Variants in EBPL observed in about 807,000 individuals in gnomAD.
EBPL encodes the protein emopamil-binding protein-like.
Under a neutral mutation model 19.0 loss-of-function variants are expected in EBPL, and 20 were observed. The ratio of observed to expected loss-of-function variants is 1.05; its 90% CI spans 0.74 to 1.53. The LOEUF is 1.53. Ranked by LOEUF, EBPL falls within the 40% of genes most tolerant of loss-of-function variation. EBPL has a pLI of 0.00. For synonymous variants in EBPL, 107 were observed against 117.0 expected (o/e 0.91, Z 0.55); for missense variants, 219 against 261.1 (o/e 0.84, Z 1.11).
At chr13:49,661,819 ACTT>A in intron 3 of EBPL, 4 of 1,545,798 alleles carry the variant, frequency 2.6e-6, no homozygotes, top group East Asian at 4.9e-5. Context: ...TTTAAATAAG[ACTT>A]CTTCATTACA....
At chr13:49,670,892 T>G (rs941486924) in intron 1 of EBPL, among the ~76,000 whole-genome samples, 9 of 152,194 alleles carry the variant, frequency 5.9e-5, no homozygotes, top group African/African-American at 1.9e-4. Context: ...AACTCTCAAT[T>G]TCTGTCCAGT....
At chr13:49,661,454 C>A (rs1308905813) in intron 3 of EBPL, among the ~76,000 whole-genome samples, 1 of 152,044 alleles carries the variant, frequency 6.6e-6, no homozygotes, top group African/African-American at 2.4e-5. Context: ...AAGTAAGGAC[C>A]CTCAGGGATC....
At chr13:49,680,705 C>T (rs1372378666) in intron 1 of EBPL, among the ~76,000 whole-genome samples, 1 of 152,100 alleles carries the variant, frequency 6.6e-6, no homozygotes, top group African/African-American at 2.4e-5. Context: ...GACTGTAGTC[C>T]CAGCTACTCA....
chr13:49,683,434 G>A (rs959301828), intron 1 of EBPL, among the ~76,000 whole-genome samples: 3 of 152,118 alleles, frequency 2.0e-5, no homozygotes, highest in East Asian at 1.9e-4. Context: ...GGGAGGCTGA[G>A]GCAGGAGAAT....
At chr13:49,683,085 C>T (rs1296045217) in intron 1 of EBPL, among the ~76,000 whole-genome samples, 8 of 152,226 alleles carry the variant, frequency 5.3e-5, no homozygotes, top group East Asian at 2.0e-4. Context: ...GCTATTCTCA[C>T]GCCTCAGCCT....
At chr13:49,671,246 C>T (rs1232044962) in intron 1 of EBPL, among the ~76,000 whole-genome samples, 2 of 152,298 alleles carry the variant, frequency 1.3e-5, no homozygotes, top group East Asian at 3.9e-4. Context: ...CAAGCGATTC[C>T]AGTGCCTCAG....
In EBPL at chr13:49,669,816, C is replaced by T. The variant is rs753813812; in HGVS notation, c.202G>A (p.Gly68Arg). The T allele has an allele frequency of 2.5e-6, 4 of 1,614,060 alleles. No homozygotes were observed. In the Admixed American group the frequency reaches 6.7e-5, roughly 27 times the overall value. ...EGPFVYLSLV[G>R]NVANSDGLIA... ...AAGCCATCGGAATTTGCAACGTTTC[C>T]TACTAAAGACAAGTAGACAAAAGGG... The change falls in exon 2 of 4, where the codon GGA becomes AGA. Residue 68 changes from glycine to arginine, a missense_variant. Physicochemically the swap from Gly to Arg is moderately radical, Grantham distance 125. Around this residue, in one of 2 missense-constraint regions of EBPL, gnomAD observed 170 missense variants for 167.0 expected, o/e 1.02. Coordinates refer to ENST00000242827, the MANE Select transcript of EBPL (RefSeq NM_032565.5).
rs775871559 is a variant in EBPL at position 49,691,473 on chromosome 13, G to A, written c.-49C>T. On this transcript the variant is annotated 5_prime_UTR_variant, in exon 1 of 4. Transcript: ENST00000242827. Reference sequence around the variant, plus strand: ...GCCCAGGACCATGCGGCAGAGGAAAGCAGGGAGAGAAACGACGGGGCGGGG... The same window carrying A: ...GCCCAGGACCATGCGGCAGAGGAAAACAGGGAGAGAAACGACGGGGCGGGG... 128 of 1,282,698 alleles carry A rather than the reference G, an allele frequency of 1.0e-4. No individual in the cohort carries two copies. Among genetic ancestry groups the A allele is most frequent in the Non-Finnish European group, 1.2e-4 (124 of 1,013,522 alleles). 79.5% of individuals were successfully genotyped at this position (1,282,698 alleles called of 1,614,324 possible).
In EBPL at chr13:49,666,659, C is replaced by T. The variant is rs1409459562; in HGVS notation, c.241+3118G>A. Among the ~76,000 whole-genome samples the T allele has an allele frequency of 2.1e-5, 3 of 143,258 alleles. No homozygotes were observed. The East Asian group carries it at 6.5e-4, about 31-fold the overall frequency. 94.0% of individuals were successfully genotyped at this position (143,258 alleles called of 152,430 possible). A position where few individuals can be genotyped will look rare whatever the true frequency, so the allele number is the denominator to read the frequency against. ...CCCAAGAGGCGGAGCTTGCAGTGAG[C>T]CGGGATAGCACCACTGCAGTCCAGC... On this transcript the variant is annotated intron_variant, in intron 2 of 3. Coordinates refer to ENST00000242827, the MANE Select transcript of EBPL (RefSeq NM_032565.5).
intron 2 of EBPL, among the ~76,000 whole-genome samples, 178 bp downstream of exon 2, chr13:49,669,599 A>G (rs562498294): frequency 1.3e-5 from 2 of 150,230 alleles, no homozygotes; most frequent in Admixed American, 6.7e-5. Flanking sequence ...TCCCCCCAAC[A>G]CCCCCACCCC....
At chr13:49,688,036 G>A (rs1954017963) in intron 1 of EBPL, among the ~76,000 whole-genome samples, 1 of 152,182 alleles carries the variant, frequency 6.6e-6, no homozygotes, top group Admixed American at 6.5e-5. Flanking sequence ...ACTACAGGAT[G>A]TGTTCCATAC....
intron 1 of EBPL, among the ~76,000 whole-genome samples, chr13:49,671,140 G>GT (rs1953811378): frequency 6.6e-6 from 1 of 152,110 alleles, no homozygotes; most frequent in South Asian, 2.1e-4. Context: ...AGTATCCTTT[G>GT]TTTTCTTTTT....
At chr13:49,683,082 T>A (rs1953959264) in intron 1 of EBPL, among the ~76,000 whole-genome samples, 1 of 152,132 alleles carries the variant, frequency 6.6e-6, no homozygotes, top group Admixed American at 6.5e-5. Flanking sequence ...CAAGCTATTC[T>A]CACGCCTCAG....
At chr13:49,674,855 C>T (rs185774499) in intron 1 of EBPL, among the ~76,000 whole-genome samples, 214 of 152,284 alleles carry the variant, frequency 1.4e-3, no homozygotes, top group Non-Finnish European at 2.6e-3. Context: ...GTGGCACAAA[C>T]AGTAGTGCTC....
chr13:49,676,650 T>A (rs1014309575), intron 1 of EBPL, among the ~76,000 whole-genome samples: 1 of 152,034 alleles, frequency 6.6e-6, no homozygotes, highest in Non-Finnish European at 1.5e-5. Flanking sequence ...CCCCGGTGAA[T>A]CCTTCCTTCC....
At chr13:49,679,006 T>TAAAAAAAAAAAAAAAA (rs71188373) in intron 1 of EBPL, among the ~76,000 whole-genome samples, 1 of 95,188 alleles carries the variant, frequency 1.1e-5, no homozygotes. Flanking sequence ...AGACTCCGTC[T>TAAAAAAAAAAAAAAAA]AAAAAAAAAA....
At chr13:49,689,115 G>GA (rs1158050776) in intron 1 of EBPL, among the ~76,000 whole-genome samples, 7 of 152,142 alleles carry the variant, frequency 4.6e-5, no homozygotes, top group African/African-American at 7.2e-5. Context: ...TGATGTAGTT[G>GA]ATTCTTCTAA....
chr13:49,661,174 G>C lies in EBPL; in HGVS notation c.415C>G (p.Leu139Val), dbSNP rs1296330132. 2 of 1,614,072 alleles carry C rather than the reference G, an allele frequency of 1.2e-6. No individual in the cohort carries two copies. The highest frequency in any genetic ancestry group is 1.7e-6 in the Non-Finnish European group (2 of 1,180,036). The change falls in exon 4 of 4, where the codon CTG becomes GTG. Residue 139 changes from leucine (L) to valine (V), a missense_variant. Transcript: ENST00000242827. ...FLQITLCVCE[L>V]YGCWMTFLPE... ...AGGAAGGTCATCCAGCAGCCATACA[G>C]CTCGCACACGCACAGGGTGATCTGC... is the stretch of plus-strand genomic sequence containing the variant.
At chr13:49,683,034 C>T (rs1392674907) in intron 1 of EBPL, among the ~76,000 whole-genome samples, 6 of 151,948 alleles carry the variant, frequency 3.9e-5, no homozygotes, top group Admixed American at 3.3e-4. Context: ...AGTGCAGTGG[C>T]GCCATCTTGG....
Sources: gnomAD v4.1 joint callset for allele counts (sites outside exome capture counted in the v4.1 genomes callset) on GRCh38, gnomAD v4.1.1 for gene constraint, gnomAD v4.1.1 regional missense constraint, MANE v1.5 for transcripts, NCBI Gene and HGNC (gene_info 2026-07-23, HGNC 2026-07-21) for gene names.